SEMA5B: variants seen among roughly 807,000 people sequenced by gnomAD.
SEMA5B encodes semaphorin-5B.
In SEMA5B, 66 loss-of-function variants were observed where a neutral mutation model predicts 135.0. The ratio of observed to expected loss-of-function variants is 0.49; its 90% CI spans 0.40 to 0.60. The LOEUF is 0.60. SEMA5B is among the 20% of genes least tolerant of loss of function. The pLI is 0.00. For missense variants in SEMA5B, 1,501 were observed against 1,566.3 expected (o/e 0.96, Z 0.70); for synonymous variants, 690 against 639.5 (o/e 1.08, Z -1.19).
In SEMA5B at chr3:122,912,144, C is replaced by T. The variant is rs778997314; in HGVS notation, c.2896+28G>A. The T allele has an allele frequency of 5.1e-6, 8 of 1,580,804 alleles. No individual in the cohort carries two copies. In the South Asian group the frequency reaches 6.9e-5, roughly 14 times the overall value. Reference sequence around the variant, plus strand: ...GGGATCAGAGGGCTCCATGTCGCTTCCCAGCCCTGGCGGGATGTGCCTCAT... The same window carrying T: ...GGGATCAGAGGGCTCCATGTCGCTTTCCAGCCCTGGCGGGATGTGCCTCAT... On this transcript the variant is annotated intron_variant, in intron 19 of 22. Transcript: ENST00000357599.
rs1291974964 is a variant in SEMA5B at position 122,922,345 on chromosome 3, T to C, written c.1375A>G (p.Thr459Ala). 2.5e-6 allele frequency: 4 copies of C among 1,613,606 alleles called. No individual in the cohort carries two copies. Among genetic ancestry groups the C allele is most frequent in the Admixed American group, 1.7e-5 (1 of 59,954 alleles). ...TCCTGGGTGACACAGGGCTCGGGTG[T>C]CACCGGCTGCACGGCCTCGCTCATC... is the stretch of plus-strand genomic sequence containing the variant. Reference protein sequence around the residue: ...FLMSEAVQPVTPEPCVTQDSV... With the variant: ...FLMSEAVQPVAPEPCVTQDSV... Residue 459 changes from threonine to alanine, a missense_variant, in exon 11 of 23, where the codon ACA becomes GCA. Coordinates refer to ENST00000357599, the MANE Select transcript of SEMA5B (RefSeq NM_001031702.4).
At chr3:122,991,143 G>A (rs564758655) in intron 1 of SEMA5B, among the ~76,000 whole-genome samples, 4 of 152,298 alleles carry the variant, frequency 2.6e-5, no homozygotes, top group Admixed American at 1.3e-4. Flanking sequence ...ACCAGCAGCC[G>A]AGCCTCACCA....
Position 122,929,023 on chromosome 3 carries a change from G to A in SEMA5B, c.510C>T (p.Arg170=), listed in dbSNP as rs1938805256. ...TEWASSEDTR[R]SCQSKGKTEE... ...CAGTCTTCCCTTTGCTTTGGCAGGAGCGGCGCGTGTCCTCACTGGAGGCCC... is the reference window on the plus strand; with the variant it reads ...CAGTCTTCCCTTTGCTTTGGCAGGAACGGCGCGTGTCCTCACTGGAGGCCC... The change falls in exon 6 of 23, where the codon CGC becomes CGT. Residue 170 remains arginine (R), a synonymous_variant. Coordinates refer to ENST00000357599, the MANE Select transcript of SEMA5B (RefSeq NM_001031702.4). 3.1e-6 allele frequency: 5 copies of A among 1,612,296 alleles called. No individual in the cohort carries two copies. The highest frequency in any genetic ancestry group is 4.2e-6 in the Non-Finnish European group (5 of 1,180,040).
rs187565810 is a variant in SEMA5B at position 122,980,662 on chromosome 3, T to C, written c.-38-19361A>G. Reference sequence around the variant, plus strand: ...TTATTATTTTTATTGTGGTGAAGTATCCATAACACAAAATTTACCATTTTA... The same window carrying C: ...TTATTATTTTTATTGTGGTGAAGTACCCATAACACAAAATTTACCATTTTA... On this transcript the variant is annotated intron_variant, in intron 1 of 22. Coordinates refer to ENST00000357599, the MANE Select transcript of SEMA5B (RefSeq NM_001031702.4). Among the ~76,000 whole-genome samples the C allele has an allele frequency of 2.6e-3, 393 of 152,246 alleles. 1 individual carries two copies. The highest frequency in any genetic ancestry group is 9.4e-3 in the African/African-American group (389 of 41,524).
chr3:122,944,991 G>T (rs962377070), intron 3 of SEMA5B, among the ~76,000 whole-genome samples: 1 of 151,658 alleles, frequency 6.6e-6, no homozygotes, highest in African/African-American at 2.4e-5. Flanking sequence ...GAGAGAGAGA[G>T]ATAGAGAGAG....
At chr3:122,979,654 C>T (rs1305184846) in intron 1 of SEMA5B, among the ~76,000 whole-genome samples, 1 of 152,176 alleles carries the variant, frequency 6.6e-6, no homozygotes, top group Non-Finnish European at 1.5e-5. Context: ...TCCTGGGATC[C>T]AGGTAGATAT....
At chr3:122,913,106 G>A in intron 17 of SEMA5B, 45 bp from the exon 18 acceptor site, 2 of 1,418,404 alleles carry the variant, frequency 1.4e-6, no homozygotes, top group Non-Finnish European at 1.8e-6. Context: ...CGGCCACCCC[G>A]ACCCCGGCCT....
In SEMA5B at chr3:122,911,893, T is replaced by TG. The variant is rs371889066; in HGVS notation, c.3046+26dup. 89 of 1,575,504 alleles carry TG rather than the reference T, an allele frequency of 5.6e-5. 1 individual carries two copies. In the African/African-American group the frequency reaches 1.1e-3, roughly 19 times the overall value. On this transcript the variant is annotated intron_variant, in intron 20 of 22. Coordinates refer to ENST00000357599, the MANE Select transcript of SEMA5B (RefSeq NM_001031702.4). ...GGGAGTGCAGGCTGGGAAGGGTTGC[T>TG]GCGCAGGTGCTGGCAGGGGTACCTA... is the stretch of plus-strand genomic sequence containing the variant.
chr3:123,020,106 T>C (rs773137186), intron 1 of SEMA5B, among the ~76,000 whole-genome samples: 4 of 152,342 alleles, frequency 2.6e-5, no homozygotes, highest in South Asian at 2.1e-4. Context: ...GAAATAATCA[T>C]TGATAGGCAC....
rs541634669 is a variant in SEMA5B, at chr3:123,015,106, C to T, written c.-39+12358G>A. 4.6e-4 allele frequency among the ~76,000 whole-genome samples: 70 copies of T among 152,338 alleles called. 1 individual carries two copies. Among genetic ancestry groups the T allele is most frequent in the African/African-American group, 1.3e-3 (54 of 41,564 alleles). ...ACCACCGGAAGCCAGGAGGGAAGCA[C>T]GGAGCAGATCTTCTGTCATATCCCT... On this transcript the variant is annotated intron_variant, in intron 1 of 22. Transcript: ENST00000357599.
chr3:122,979,062 A>G (rs917595414), intron 1 of SEMA5B, among the ~76,000 whole-genome samples: 5 of 152,188 alleles, frequency 3.3e-5, no homozygotes, highest in African/African-American at 1.2e-4. Context: ...ATGTCTTGAA[A>G]AGAAGGGACA....
chr3:122,910,415 C>T (rs2107600624), intron 22 of SEMA5B, 114 bp from the exon 23 acceptor site: 2 of 1,119,050 alleles, frequency 1.8e-6, no homozygotes, highest in Non-Finnish European at 2.6e-6. Flanking sequence ...GACTGCGGAT[C>T]CAGTGCTCTG....
chr3:122,938,180 G>C (rs1654170346), intron 5 of SEMA5B, among the ~76,000 whole-genome samples: 1 of 152,194 alleles, frequency 6.6e-6, no homozygotes. Flanking sequence ...ATTCACTTTA[G>C]AACTCAAATG....
At chr3:122,943,557 C>A in intron 3 of SEMA5B, 22 bp from the exon 4 acceptor site, 1 of 1,538,828 alleles carries the variant, frequency 6.5e-7, no homozygotes, top group Non-Finnish European at 8.9e-7. Flanking sequence ...AGAGGCAACC[C>A]TGTGGTTACT....
chr3:122,948,266 G>A (rs1024314296), intron 3 of SEMA5B, among the ~76,000 whole-genome samples: 1 of 152,142 alleles, frequency 6.6e-6, no homozygotes, highest in Non-Finnish European at 1.5e-5. Flanking sequence ...AGGTTGGCAT[G>A]CATGAAGGGC....
chr3:122,956,054 G>A (rs1940280614), intron 2 of SEMA5B, among the ~76,000 whole-genome samples: 4 of 152,226 alleles, frequency 2.6e-5, no homozygotes, highest in African/African-American at 9.6e-5. Flanking sequence ...GTCTGGATGG[G>A]GAAGGGGGCA....
chr3:122,949,909 A>T (rs1036024446), intron 2 of SEMA5B, among the ~76,000 whole-genome samples: 11 of 152,136 alleles, frequency 7.2e-5, no homozygotes, highest in African/African-American at 2.7e-4. Flanking sequence ...ACTGCTCCCC[A>T]AATTATCCTT....
intron 1 of SEMA5B, among the ~76,000 whole-genome samples, chr3:122,996,322 G>A (rs1942021919): frequency 6.6e-6 from 1 of 152,260 alleles, no homozygotes; most frequent in Non-Finnish European, 1.5e-5. Flanking sequence ...ACATAAAAAG[G>A]CCAGATGGAC....
intron 12 of SEMA5B, among the ~76,000 whole-genome samples, chr3:122,921,155 G>A (rs1341850683): frequency 6.6e-6 from 1 of 152,160 alleles, no homozygotes; most frequent in Non-Finnish European, 1.5e-5. Context: ...CAGGACTCTC[G>A]GTTGCAAAGG....
Sources: gnomAD v4.1 joint callset for allele counts (sites outside exome capture counted in the v4.1 genomes callset) on GRCh38, gnomAD v4.1.1 for gene constraint, MANE v1.5 for transcripts, NCBI Gene and HGNC (gene_info 2026-07-23, HGNC 2026-07-21) for gene names.